DST: variants seen among roughly 807,000 people sequenced by gnomAD.
DST encodes bullous pemphigoid antigen.
Under a neutral mutation model 875.2 loss-of-function variants are expected in DST, and 253 were observed. The observed-to-expected ratio is 0.29, with a 90% CI of 0.26 to 0.32. DST has a LOEUF of 0.32. Ranked by LOEUF, DST falls within the 10% of genes least tolerant of loss-of-function variation. DST has a pLI of 1.00. For synonymous variants in DST, 3,124 were observed against 3,197.1 expected (o/e 0.98, Z 0.77); for missense variants, 8,287 against 9,111.6 (o/e 0.91, Z 3.68).
intron 4 of DST, among the ~76,000 whole-genome samples, chr6:56,807,533 A>G (rs2099754625): frequency 6.6e-6 from 1 of 152,208 alleles, no homozygotes; most frequent in South Asian, 2.1e-4. Context: ...GTAATGGCAT[A>G]AAATTAAACA....
chr6:56,817,169 A>C (rs1188438449), intron 4 of DST, among the ~76,000 whole-genome samples: 1 of 152,120 alleles, frequency 6.6e-6, no homozygotes, highest in Non-Finnish European at 1.5e-5. Context: ...AAATACTTAT[A>C]AAAAAACTAA....
chr6:56,632,170 C>T (rs112131171), intron 28 of DST, 130 bp from the exon 29 acceptor site: 3 of 638,004 alleles, frequency 4.7e-6, no homozygotes, highest in South Asian at 2.1e-5. Context: ...GTTTTCATCA[C>T]AAACCCATTC....
chr6:56,602,184 GAA>G (rs368700864), intron 43 of DST, among the ~76,000 whole-genome samples: 1 of 92,982 alleles, frequency 1.1e-5, no homozygotes, highest in African/African-American at 3.9e-5. Flanking sequence ...TAAGAACTTA[GAA>G]AAAAAAAAAA....
chr6:56,597,323 C>T (rs1393641588), intron 47 of DST, among the ~76,000 whole-genome samples: 1 of 151,914 alleles, frequency 6.6e-6, no homozygotes, highest in Non-Finnish European at 1.5e-5. Flanking sequence ...AATCCAAATT[C>T]CAGCCCTTTC....
At chr6:56,704,689 C>T (rs1214969902) in intron 5 of DST, among the ~76,000 whole-genome samples, 1 of 152,084 alleles carries the variant, frequency 6.6e-6, no homozygotes, top group African/African-American at 2.4e-5. Flanking sequence ...TCATGATTCC[C>T]GATACAGTGA....
At chr6:56,943,037 T>C (rs1817499360) in intron 2 of DST, among the ~76,000 whole-genome samples, 1 of 152,120 alleles carries the variant, frequency 6.6e-6, no homozygotes, top group African/African-American at 2.4e-5. Flanking sequence ...TTGCCATTTC[T>C]GACGCTCTTT....
intron 36 of DST, chr6:56,616,798 C>A: frequency 1.9e-6 from 3 of 1,614,160 alleles, no homozygotes; most frequent in Non-Finnish European, 2.5e-6. Flanking sequence ...CTGACAATGT[C>A]TTAGAAGAAT....
rs369199650 is a variant in DST at position 56,728,263 on chromosome 6, C to T, written c.687+6965G>A. ...TCATAAGAAAAAACAAAAAGTTTGT[C>T]TTCTTGTCATGAAATAATTTTAGGT... On this transcript the variant is annotated intron_variant, in intron 5 of 103. Coordinates refer to ENST00000680361, the MANE Select transcript of DST (RefSeq NM_001374736.1). Among the ~76,000 whole-genome samples, 7 of 152,252 alleles carry T rather than the reference C, an allele frequency of 4.6e-5. No homozygotes were observed. In the South Asian group the frequency reaches 1.2e-3, roughly 27 times the overall value.
Position 56,604,353 on chromosome 6 carries a change from T to C in DST, c.10275A>G (p.Glu3425=). Residue 3425 remains glutamate, a synonymous_variant, in exon 40 of 104, where the codon GAA becomes GAG. Transcript: ENST00000680361. The stretch of plus-strand genomic sequence containing the variant: ...GATCATCTCTACTTTCTGGCTTTAG[T>C]TCTGATGAGTTAGTCATGGGGGAAA... ...SGVSPMTNSS[E]LKPESRDDPF... 2 of 1,612,386 alleles carry C rather than the reference T, an allele frequency of 1.2e-6. No homozygotes were observed. Among genetic ancestry groups the C allele is most frequent in the Non-Finnish European group, 1.7e-6 (2 of 1,179,074 alleles).
chr6:56,598,552 A>G lies in DST; in HGVS notation c.11852T>C (p.Leu3951Pro). The part of the protein sequence containing the change: ...LNEAKIKCEQ[L>P]NLKAEQSKKE... ...TTTAGACTGTTCTGCTTTTAAATTA[A>G]GCTGTTCACACTTTATCTTAGCTTC... The change falls in exon 46 of 104, where the codon CTT becomes CCT. Residue 3951 changes from leucine to proline, a missense_variant. Leu to Pro is a moderately conservative substitution (Grantham distance 98). This residue lies in a region of DST where 1,513 missense variants were observed against 1,677.8 expected (regional missense o/e 0.90). Transcript: ENST00000680361. The G allele has an allele frequency of 6.2e-7, 1 of 1,610,576 alleles. No individual in the cohort carries two copies. The highest frequency in any genetic ancestry group is 8.5e-7 in the Non-Finnish European group (1 of 1,178,214).
chr6:56,616,529 T>G, intron 36 of DST: 1 of 1,614,172 alleles, frequency 6.2e-7, no homozygotes, highest in Non-Finnish European at 8.5e-7. Context: ...GGACTCTACA[T>G]CAAATACACA....
At chr6:56,794,143 C>T (rs1358268775) in intron 4 of DST, among the ~76,000 whole-genome samples, 1 of 152,214 alleles carries the variant, frequency 6.6e-6, no homozygotes, top group East Asian at 1.9e-4. Flanking sequence ...AACCAAAGAA[C>T]ACCAAGTATG....
intron 4 of DST, among the ~76,000 whole-genome samples, chr6:56,788,758 C>A (rs1426337599): frequency 1.3e-5 from 2 of 152,196 alleles, no homozygotes; most frequent in East Asian, 3.8e-4. Flanking sequence ...GTACCATAAC[C>A]TACTTAATGA....
intron 3 of DST, among the ~76,000 whole-genome samples, chr6:56,875,583 A>G (rs1325836628): frequency 6.6e-6 from 1 of 152,218 alleles, no homozygotes; most frequent in African/African-American, 2.4e-5. Flanking sequence ...AATAACATGT[A>G]TTTAGGTCCC....
At chr6:56,779,326 C>T (rs1049200089) in intron 4 of DST, among the ~76,000 whole-genome samples, 3 of 152,080 alleles carry the variant, frequency 2.0e-5, no homozygotes, top group Non-Finnish European at 2.9e-5. Context: ...TTCTCCCATT[C>T]TGTAGGTTGC....
At position 56,606,242 on chromosome 6, in the gene DST, C is replaced by T; in HGVS notation, c.8386G>A (p.Asp2796Asn). ...TGATCATTACTGTCATATATATAATCCCCATAACTTTCTTCACTTTGCATA... is the reference window on the plus strand; with the variant it reads ...TGATCATTACTGTCATATATATAATTCCCATAACTTTCTTCACTTTGCATA... ...DSMQSEESYG[D>N]YIYDSNDQDD... Residue 2796 changes from aspartate (D) to asparagine (N), a missense_variant, in exon 40 of 104, where the codon GAT becomes AAT. By Grantham distance (23) the Asp-to-Asn change is conservative. Around this residue, in one of 10 missense-constraint regions of DST, gnomAD observed 3,138 missense variants for 3,116.6 expected, o/e 1.01. Transcript: ENST00000680361. 1 of 1,566,928 alleles carries T rather than the reference C, an allele frequency of 6.4e-7. No individual in the cohort carries two copies. The highest frequency in any genetic ancestry group is 1.2e-5 in the South Asian group (1 of 86,444).
chr6:56,948,507 C>A (rs1820784009), intron 2 of DST, among the ~76,000 whole-genome samples: 1 of 152,178 alleles, frequency 6.6e-6, no homozygotes, highest in South Asian at 2.1e-4. Context: ...CTCAGGGTTC[C>A]ATCGGGCTAC....
chr6:56,585,757 C>G (rs1468695314), intron 49 of DST, among the ~76,000 whole-genome samples: 1 of 151,490 alleles, frequency 6.6e-6, no homozygotes, highest in Non-Finnish European at 1.5e-5. Context: ...CCTCTACACA[C>G]TGCTTTGAAT....
chr6:56,916,585 C>T (rs1170930787), intron 2 of DST, among the ~76,000 whole-genome samples: 1 of 151,964 alleles, frequency 6.6e-6, no homozygotes, highest in East Asian at 1.9e-4. Context: ...GACCCTGTCT[C>T]TACCAAAAAT....
Sources: allele counts gnomAD v4.1 joint callset (sites outside exome capture counted in the v4.1 genomes callset), GRCh38; gene constraint gnomAD v4.1.1; regional missense constraint gnomAD v4.1.1; transcripts MANE v1.5; gene names NCBI Gene and HGNC (gene_info 2026-07-23, HGNC 2026-07-21).